Variants in KIF16B observed in about 807,000 individuals in gnomAD.
KIF16B encodes kinesin-like protein KIF16B.
In KIF16B, 98 loss-of-function variants were observed where a neutral mutation model predicts 156.3. The observed-to-expected ratio is 0.63, with a 90% CI of 0.53 to 0.74. KIF16B has a LOEUF of 0.74. KIF16B is among the 30% of genes least tolerant of loss of function. The pLI is 0.00. For missense variants in KIF16B, 1,421 were observed against 1,606.5 expected, an observed-to-expected ratio of 0.88 and a Z score of 1.97; for synonymous variants, 564 against 583.7, an observed-to-expected ratio of 0.97 and a Z score of 0.49.
chr20:16,315,979 T>A (rs1032083344), intron 24 of KIF16B, among the ~76,000 whole-genome samples: 12 of 152,194 alleles, frequency 7.9e-5, no homozygotes, highest in African/African-American at 2.7e-4. Context: ...GATATTTCCA[T>A]CGGAAACAGC....
rs1035536946 is a variant in KIF16B, at chr20:16,273,136, T to C, written c.*117A>G. On this transcript the variant is annotated 3_prime_UTR_variant, in exon 26 of 26. Transcript: ENST00000354981. ...GAGGTGGCCCGGGCCCGCTGCTGCATGTCTGTCTTCAGCAGGAGGAGGCAG... is the reference window on the plus strand; with the variant it reads ...GAGGTGGCCCGGGCCCGCTGCTGCACGTCTGTCTTCAGCAGGAGGAGGCAG... 1.2e-6 allele frequency: 1 copy of C among 854,986 alleles called. No homozygotes were observed. Among genetic ancestry groups the C allele is most frequent in the Non-Finnish European group, 1.9e-6 (1 of 521,800 alleles). The allele number at this position is 854,986 out of a possible 1,614,324, so 53.0% of individuals were successfully genotyped here. A position where few individuals can be genotyped will look rare whatever the true frequency, so the allele number is the denominator to read the frequency against.
chr20:16,466,675 T>C (rs1183654703), intron 12 of KIF16B, among the ~76,000 whole-genome samples: 1 of 152,226 alleles, frequency 6.6e-6, no homozygotes, highest in Non-Finnish European at 1.5e-5. Flanking sequence ...CTTTACTTTA[T>C]AAATTACCCA....
intron 10 of KIF16B, among the ~76,000 whole-genome samples, chr20:16,500,226 C>A (rs1423971930): frequency 6.6e-6 from 1 of 152,130 alleles, no homozygotes; most frequent in Non-Finnish European, 1.5e-5. Context: ...TTAAAATCTG[C>A]ATTTATTGTA....
Position 16,515,616 on chromosome 20 carries a change from A to C in KIF16B, c.280T>G (p.Tyr94Asp), listed in dbSNP as rs2069118173. 1 of 1,613,456 alleles carries C rather than the reference A, an allele frequency of 6.2e-7. No homozygotes were observed. Among genetic ancestry groups the C allele is most frequent in the Non-Finnish European group, 8.5e-7 (1 of 1,179,750 alleles). ...TDVVKSAFEGYNACVFAYGQT... is the reference protein window; with the variant it reads ...TDVVKSAFEGDNACVFAYGQT... ...CCATATGCAAAGACACAAGCATTATAACCTTCAAATGCAGACTTCACGACA... is the reference window on the plus strand; with the variant it reads ...CCATATGCAAAGACACAAGCATTATCACCTTCAAATGCAGACTTCACGACA... Residue 94 changes from tyrosine to aspartate, a missense_variant, in exon 4 of 26, where the codon TAT becomes GAT. Transcript: ENST00000354981.
chr20:16,571,414 T>C (rs569283327), intron 1 of KIF16B, among the ~76,000 whole-genome samples: 4 of 152,308 alleles, frequency 2.6e-5, no homozygotes, highest in East Asian at 3.9e-4. Flanking sequence ...CCATGGCCTC[T>C]GGACTTATTT....
At chr20:16,425,002 G>T (rs772818816) in intron 15 of KIF16B, among the ~76,000 whole-genome samples, 8 of 152,100 alleles carry the variant, frequency 5.3e-5, no homozygotes, top group Non-Finnish European at 8.8e-5. Context: ...AACAGATATA[G>T]AAGTACAGTT....
rs779404844 is a variant in KIF16B, at chr20:16,380,133, C to A, written c.1869G>T (p.Gln623His). 2 of 1,513,706 alleles carry A rather than the reference C, an allele frequency of 1.3e-6. No homozygotes were observed. Among genetic ancestry groups the A allele is most frequent in the Non-Finnish European group, 1.8e-6 (2 of 1,135,070 alleles). 93.8% of individuals were successfully genotyped at this position (1,513,706 alleles called of 1,614,324 possible). A position where few individuals can be genotyped will look rare whatever the true frequency, so the allele number is the denominator to read the frequency against. Residue 623 changes from glutamine to histidine, a missense_variant, in exon 19 of 26, where the codon CAG becomes CAT. Physicochemically the swap from Gln to His is conservative, Grantham distance 24. Coordinates refer to ENST00000354981, the MANE Select transcript of KIF16B (RefSeq NM_024704.5). Reference sequence around the variant, plus strand: ...GCTCCAGTTCAGCCTTGTCTGATTTCTGCTTTTCCTCCATTTCTTCTATGA... The same window carrying A: ...GCTCCAGTTCAGCCTTGTCTGATTTATGCTTTTCCTCCATTTCTTCTATGA... ...RKLIEEMEEK[Q>H]KSDKAELERM... is the part of the protein sequence containing the mutation.
At position 16,528,382 on chromosome 20, in the gene KIF16B, T is replaced by G; in HGVS notation, c.106A>C (p.Thr36Pro). 1 of 1,613,964 alleles carries G rather than the reference T, an allele frequency of 6.2e-7. No individual in the cohort carries two copies. The highest frequency in any genetic ancestry group is 8.5e-7 in the Non-Finnish European group (1 of 1,179,818). The change falls in exon 2 of 26, where the codon ACA (threonine) becomes CCA (proline). Residue 36 changes from threonine to proline, a missense_variant. By Grantham distance (38) the Thr-to-Pro change is conservative. Transcript: ENST00000354981. ...IQMEKSKTTITNLKIPEGGTG... is the reference protein window; with the variant it reads ...IQMEKSKTTIPNLKIPEGGTG... ...AGGTCATGACTTGCCTTTAAGTTTGTGATTGTCGTTTTGCTTTTCTCCATC... is the reference window on the plus strand; with the variant it reads ...AGGTCATGACTTGCCTTTAAGTTTGGGATTGTCGTTTTGCTTTTCTCCATC...
At chr20:16,469,254 T>TAAAAAAAAAAAAAAAAAAAAAAAAAA (rs57114751) in intron 12 of KIF16B, among the ~76,000 whole-genome samples, 5 of 66,076 alleles carry the variant, frequency 7.6e-5, no homozygotes, top group Non-Finnish European at 1.5e-4. Context: ...CCCTGTGTCT[T>TAAAAAAAAAAAAAAAAAAAAAAAAAA]AAAAAAAAAA....
At chr20:16,520,976 CA>C (rs2069328909) in intron 3 of KIF16B, among the ~76,000 whole-genome samples, 1 of 152,080 alleles carries the variant, frequency 6.6e-6, no homozygotes, top group Non-Finnish European at 1.5e-5. Flanking sequence ...CAGAAAGAAA[CA>C]GCATCAACAT....
At chr20:16,364,760 C>T (rs1357653664) in intron 22 of KIF16B, among the ~76,000 whole-genome samples, 2 of 152,206 alleles carry the variant, frequency 1.3e-5, no homozygotes, top group African/African-American at 2.4e-5. Context: ...AATCTGAATG[C>T]TGCAAGCTGC....
chr20:16,280,867 T>TGTGTGTGTGTGTGTGCGC (rs758721339), intron 25 of KIF16B, among the ~76,000 whole-genome samples: 172 of 150,892 alleles, frequency 1.1e-3, no homozygotes, highest in African/African-American at 3.8e-3. Flanking sequence ...TGTGTGTGTG[T>TGTGTGTGTGTGTGTGCGC]GCGCAGAAAA....
intron 2 of KIF16B, 64 bp downstream of exon 2, chr20:16,528,307 T>C: frequency 8.2e-7 from 1 of 1,216,224 alleles, no homozygotes; most frequent in Non-Finnish European, 1.2e-6. Flanking sequence ...TACTCATTAG[T>C]CATCCCCACA....
chr20:16,286,961 C>G (rs888730050), intron 25 of KIF16B, among the ~76,000 whole-genome samples: 4 of 152,222 alleles, frequency 2.6e-5, no homozygotes, highest in African/African-American at 9.6e-5. Context: ...GAGTCATGAT[C>G]AAAATGCAGG....
intron 12 of KIF16B, among the ~76,000 whole-genome samples, chr20:16,434,213 A>T (rs2066580643): frequency 6.6e-6 from 1 of 152,198 alleles, no homozygotes; most frequent in Non-Finnish European, 1.5e-5. Flanking sequence ...TCTGAATTTA[A>T]AACACATGCC....
At chr20:16,440,627 C>A (rs1004726688) in intron 12 of KIF16B, among the ~76,000 whole-genome samples, 4 of 151,312 alleles carry the variant, frequency 2.6e-5, no homozygotes, top group Admixed American at 1.3e-4. Flanking sequence ...ACAGGACTCA[C>A]CAGGGCAGAA....
intron 10 of KIF16B, among the ~76,000 whole-genome samples, chr20:16,501,864 T>C (rs1318651894): frequency 1.3e-5 from 2 of 152,090 alleles, no homozygotes; most frequent in Non-Finnish European, 2.9e-5. Context: ...GGGGAGTAGT[T>C]CCTGAAAAGA....
rs2147012920 is a variant in KIF16B, at chr20:16,506,023, T to C, written c.867A>G (p.Leu289=). ...LVTLGNVISA[L]ADLSQDAANT... ...GGCAGGAGCCAGGCGTAAGCATACC[T>C]AAGGCAGAAATGACGTTCCCCAGAG... is the stretch of plus-strand genomic sequence containing the variant. The change falls in exon 8 of 26, where the codon TTA becomes TTG. Residue 289 remains leucine (L), a splice_region_variant and synonymous_variant. Coordinates refer to ENST00000354981, the MANE Select transcript of KIF16B (RefSeq NM_024704.5). The C allele has an allele frequency of 6.2e-7, 1 of 1,614,106 alleles. No individual in the cohort carries two copies. Among genetic ancestry groups the C allele is most frequent in the Middle Eastern group, 1.7e-4 (1 of 6,058 alleles).
chr20:16,313,081 C>A (rs1367641614), intron 24 of KIF16B, among the ~76,000 whole-genome samples: 1 of 152,118 alleles, frequency 6.6e-6, no homozygotes, highest in African/African-American at 2.4e-5. Context: ...AAATTATAAA[C>A]AATAAGTTTT....
Sources: allele counts gnomAD v4.1 joint callset (sites outside exome capture counted in the v4.1 genomes callset), GRCh38; gene constraint gnomAD v4.1.1; transcripts MANE v1.5; gene names NCBI Gene and HGNC (gene_info 2026-07-23, HGNC 2026-07-21).